Variants in LPCAT1 observed in about 807,000 individuals in gnomAD.
LPCAT1 encodes lysophosphatidylcholine acyltransferase 1, also known as 1-acylglycerol-3-phosphate O-acyltransferase.
In LPCAT1, 23 loss-of-function variants were observed where a neutral mutation model predicts 60.9. That is an observed-to-expected ratio of 0.38 (90% CI 0.27 to 0.53). LPCAT1 has a LOEUF of 0.53. LPCAT1 is among the 20% of genes least tolerant of loss of function. LPCAT1 has a pLI of 0.82. For synonymous variants in LPCAT1, 340 were observed against 301.1 expected (o/e 1.13, Z -1.34); for missense variants, 622 against 723.6 (o/e 0.86, Z 1.61).
intron 2 of LPCAT1, 75 bp downstream of exon 2, chr5:1,501,386 C>T (rs1179433562): frequency 5.3e-6 from 8 of 1,519,668 alleles, no homozygotes; most frequent in African/African-American, 1.4e-5. Flanking sequence ...CACAACCCCA[C>T]TGTGAGAATG....
intron 2 of LPCAT1, among the ~76,000 whole-genome samples, chr5:1,498,413 G>A (rs111891919): frequency 0.016 from 2,423 of 152,292 alleles, 72 homozygotes; most frequent in African/African-American, 0.055. Flanking sequence ...GGCTCCAGGG[G>A]TGGGATTCAA....
chr5:1,467,226 C>T (rs998541894), intron 12 of LPCAT1: 6 of 278,498 alleles, frequency 2.2e-5, no homozygotes, highest in Admixed American at 5.3e-5. Context: ...GCCTGGGCCA[C>T]GGGCGAGCGC....
chr5:1,504,836 A>G (rs1018949906), intron 1 of LPCAT1, among the ~76,000 whole-genome samples: 1 of 152,216 alleles, frequency 6.6e-6, no homozygotes, highest in Non-Finnish European at 1.5e-5. Flanking sequence ...CAGCACTAAG[A>G]GAAAGTCTCA....
At position 1,488,433 on chromosome 5, in the gene LPCAT1, C is replaced by G; in HGVS notation, c.625G>C (p.Gly209Arg). The G allele has an allele frequency of 6.2e-7, 1 of 1,601,350 alleles. No homozygotes were observed. The highest frequency in any genetic ancestry group is 8.5e-7 in the Non-Finnish European group (1 of 1,173,964). ...KWPQIMIFPE[G>R]TCTNRTCLIT... ...AGGCAGGTCCTGTTTGTACAAGTTCCTTCTGGAAAAATCATTATCTGGAAG... is the reference window on the plus strand; with the variant it reads ...AGGCAGGTCCTGTTTGTACAAGTTCGTTCTGGAAAAATCATTATCTGGAAG... Residue 209 changes from glycine to arginine, a missense_variant, in exon 5 of 14, where the codon GGA becomes CGA. Coordinates refer to ENST00000283415, the MANE Select transcript of LPCAT1 (RefSeq NM_024830.5).
intron 2 of LPCAT1, 41 bp downstream of exon 2, chr5:1,501,420 A>AC (rs368802517): frequency 0.049 from 72,995 of 1,482,188 alleles, 382 homozygotes; most frequent in South Asian, 0.1. Context: ...TGGCCGCGTG[A>AC]CCCCCCCCCA....
rs777144800 is a variant in LPCAT1 at position 1,480,688 on chromosome 5, C to A, written c.761+254G>T. 2.0e-5 allele frequency among the ~76,000 whole-genome samples: 3 copies of A among 152,152 alleles called. No homozygotes were observed. The highest frequency in any genetic ancestry group is 6.5e-5 in the Admixed American group (1 of 15,284). On this transcript the variant is annotated intron_variant, in intron 7 of 13. Coordinates refer to ENST00000283415, the MANE Select transcript of LPCAT1 (RefSeq NM_024830.5). This position sits in a 1 kb window ranked among gnomAD's most constrained non-coding sequence, Gnocchi z 6.4. ...ATCGTAATTACTGAGCTGGCAAACTCGAGAGCCGAATGCAAGACTCACAGT... is the reference window on the plus strand; with the variant it reads ...ATCGTAATTACTGAGCTGGCAAACTAGAGAGCCGAATGCAAGACTCACAGT...
At chr5:1,492,642 G>A (rs961642648) in intron 3 of LPCAT1, among the ~76,000 whole-genome samples, 5 of 152,266 alleles carry the variant, frequency 3.3e-5, no homozygotes, top group Non-Finnish European at 7.3e-5. Context: ...CAGCATGGCT[G>A]TGGCCATTCT....
At chr5:1,504,777 T>C (rs1375497021) in intron 1 of LPCAT1, among the ~76,000 whole-genome samples, 1 of 151,436 alleles carries the variant, frequency 6.6e-6, no homozygotes, top group African/African-American at 2.4e-5. Context: ...CCATAAATTG[T>C]TCTTAGAACT....
At chr5:1,488,345 T>C (rs1299900966) in intron 5 of LPCAT1, 46 bp downstream of exon 5, 1 of 1,229,694 alleles carries the variant, frequency 8.1e-7, no homozygotes, top group Admixed American at 2.2e-5. Context: ...CTTTAATATT[T>C]TCCTTTTCTC....
Position 1,501,491 on chromosome 5 carries a change from T to G in LPCAT1, c.248A>C (p.Glu83Ala). ...LVASLGSAEK[E>A]PEQPPALWRK... is the part of the protein sequence containing the mutation. Reference sequence around the variant, plus strand: ...CCACAGGGCCGGGGGCTGCTCGGGTTCCTTCTCCGCAGAGCCCAGGGATGC... The same window carrying G: ...CCACAGGGCCGGGGGCTGCTCGGGTGCCTTCTCCGCAGAGCCCAGGGATGC... Residue 83 changes from glutamate (E) to alanine (A), a missense_variant, in exon 2 of 14, where the codon GAA becomes GCA. This residue lies in a region of LPCAT1 where 125 missense variants were observed against 114.5 expected (regional missense o/e 1.09). Coordinates refer to ENST00000283415, the MANE Select transcript of LPCAT1 (RefSeq NM_024830.5). 4 of 1,613,604 alleles carry G rather than the reference T, an allele frequency of 2.5e-6. No individual in the cohort carries two copies. Among genetic ancestry groups the G allele is most frequent in the Non-Finnish European group, 3.4e-6 (4 of 1,179,820 alleles).
chr5:1,489,944 G>T, intron 3 of LPCAT1, 86 bp from the exon 4 acceptor site: 2 of 953,770 alleles, frequency 2.1e-6, no homozygotes, highest in Non-Finnish European at 1.7e-6. Context: ...GCTGCATGGC[G>T]CCCAGTGGGG....
Position 1,495,489 on chromosome 5 carries a change from A to G in LPCAT1, c.279-575T>C, listed in dbSNP as rs1735757200. Among the ~76,000 whole-genome samples, 1 of 152,174 alleles carries G rather than the reference A, an allele frequency of 6.6e-6. No homozygotes were observed. Among genetic ancestry groups the G allele is most frequent in the African/African-American group, 2.4e-5 (1 of 41,438 alleles). ...ATTAGATGGCCAATAAATTTGGAAAATAAAGTAAAAATCAGCCTAGGTTAA... is the reference window on the plus strand; with the variant it reads ...ATTAGATGGCCAATAAATTTGGAAAGTAAAGTAAAAATCAGCCTAGGTTAA... On this transcript the variant is annotated intron_variant, in intron 2 of 13. Transcript: ENST00000283415. The surrounding 1 kb of genome is among the most constrained non-coding windows in gnomAD (Gnocchi z 4.7).
Position 1,466,738 on chromosome 5 carries a change from T to C in LPCAT1, c.1420+11A>G. On this transcript the variant is annotated intron_variant, in intron 13 of 13. Coordinates refer to ENST00000283415, the MANE Select transcript of LPCAT1 (RefSeq NM_024830.5). ...AGGGTCGCGAGGACGACCCCACTCC[T>C]GCGGGCTCACCGAATGTGATCTTCC... is the stretch of plus-strand genomic sequence containing the variant. 6.2e-7 allele frequency: 1 copy of C among 1,607,676 alleles called. No individual in the cohort carries two copies. The highest frequency in any genetic ancestry group is 8.5e-7 in the Non-Finnish European group (1 of 1,176,088).
At chr5:1,469,424 C>G (rs1734578521) in intron 12 of LPCAT1, among the ~76,000 whole-genome samples, 1 of 152,226 alleles carries the variant, frequency 6.6e-6, no homozygotes, top group Non-Finnish European at 1.5e-5. Flanking sequence ...CAACTGCCAC[C>G]CCCACCGCTG....
rs1031611737 is a variant in LPCAT1 at position 1,502,193 on chromosome 5, G to C, written c.136-590C>G. Among the ~76,000 whole-genome samples the C allele has an allele frequency of 6.6e-6, 1 of 152,126 alleles. No individual in the cohort carries two copies. The highest frequency in any genetic ancestry group is 2.1e-4 in the South Asian group (1 of 4,824). On this transcript the variant is annotated intron_variant, in intron 1 of 13. Transcript: ENST00000283415. This position sits in a 1 kb window ranked among gnomAD's most constrained non-coding sequence, Gnocchi z 5.5. ...GGAGCTTCCTCCTGCAAATTCAAGG[G>C]CCACTCTGACGCACAGCACACAACC...
At chr5:1,486,024 G>A (rs1327612883) in intron 5 of LPCAT1, among the ~76,000 whole-genome samples, 1 of 152,236 alleles carries the variant, frequency 6.6e-6, no homozygotes, top group Non-Finnish European at 1.5e-5. Flanking sequence ...TGGCAGGCAG[G>A]TGGGGTGTGG....
chr5:1,472,994 T>A lies in LPCAT1; in HGVS notation c.1179+963A>T, dbSNP rs187439292. Among the ~76,000 whole-genome samples the A allele has an allele frequency of 1.1e-4, 16 of 152,142 alleles. No homozygotes were observed. In the East Asian group the frequency reaches 3.1e-3, roughly 29 times the overall value. On this transcript the variant is annotated intron_variant, in intron 11 of 13. Coordinates refer to ENST00000283415, the MANE Select transcript of LPCAT1 (RefSeq NM_024830.5). Reference sequence around the variant, plus strand: ...TGTCCTGGGTGCTCCTCATCTTCTCTTGCTCTCTCCAACCAGGGAGTCCTT... The same window carrying A: ...TGTCCTGGGTGCTCCTCATCTTCTCATGCTCTCTCCAACCAGGGAGTCCTT...
chr5:1,466,966 C>CG (rs1406018594), intron 12 of LPCAT1, 76 bp from the exon 13 acceptor site: 11 of 1,348,882 alleles, frequency 8.2e-6, no homozygotes, highest in Non-Finnish European at 1.1e-5. Context: ...GACACCCCAG[C>CG]GGCCCTGCCC....
In LPCAT1 at chr5:1,521,472, C is replaced by T. The variant is rs1736675383; in HGVS notation, c.135+2238G>A. On this transcript the variant is annotated intron_variant, in intron 1 of 13. Transcript: ENST00000283415. The surrounding 1 kb of genome is among the most constrained non-coding windows in gnomAD (Gnocchi z 4.3). ...GGCTTGAAAGACAGGCTATTTCACTCTGTGGAAACTTTACAAGAATATATC... is the reference window on the plus strand; with the variant it reads ...GGCTTGAAAGACAGGCTATTTCACTTTGTGGAAACTTTACAAGAATATATC... The T allele has an allele frequency of 3.0e-6, 3 of 985,274 alleles. No homozygotes were observed. Among genetic ancestry groups the T allele is most frequent in the Non-Finnish European group, 3.6e-6 (3 of 829,906 alleles). The allele number at this position is 985,274 out of a possible 1,614,324, so 61.0% of individuals were successfully genotyped here.
Sources: allele counts gnomAD v4.1 joint callset (sites outside exome capture counted in the v4.1 genomes callset), GRCh38; gene constraint gnomAD v4.1.1; regional missense constraint gnomAD v4.1.1; non-coding constraint Gnocchi (gnomAD v3.1); transcripts MANE v1.5; gene names NCBI Gene and HGNC (gene_info 2026-07-23, HGNC 2026-07-21).